Variants in WDHD1 observed in about 807,000 individuals in gnomAD.
WDHD1 encodes the protein WD repeat and HMG-box DNA-binding protein 1.
In WDHD1, 111 loss-of-function variants were observed where a neutral mutation model predicts 135.4. The ratio of observed to expected loss-of-function variants is 0.82; its 90% CI spans 0.70 to 0.96. The LOEUF is 0.96. Ranked by LOEUF, WDHD1 falls within the 40% of genes least tolerant of loss-of-function variation. The probability of loss-of-function intolerance (pLI) is 0.00; values close to 1 mark genes in which losing one functional copy is unlikely to be tolerated. For synonymous variants in WDHD1, 434 were observed against 439.0 expected (o/e 0.99, Z 0.14); for missense variants, 1,351 against 1,336.3 (o/e 1.01, Z -0.17).
At chr14:55,014,044 G>C (rs2042220126) in intron 2 of WDHD1, among the ~76,000 whole-genome samples, 1 of 152,124 alleles carries the variant, frequency 6.6e-6, no homozygotes, top group South Asian at 2.1e-4. Context: ...TAAAAATAAA[G>C]TGCTAATTTC....
Position 54,984,862 on chromosome 14 carries a change from T to C in WDHD1, c.1769-2A>G. 3.1e-6 allele frequency: 5 copies of C among 1,608,324 alleles called. No individual in the cohort carries two copies. The highest frequency in any genetic ancestry group is 4.2e-6 in the Non-Finnish European group (5 of 1,178,460). Reference sequence around the variant, plus strand: ...ACTGATCCCCATCAAATCCTGTACCTAATGAGAAAATGTAAATATAAATCA... The same window carrying C: ...ACTGATCCCCATCAAATCCTGTACCCAATGAGAAAATGTAAATATAAATCA... On this transcript the variant is annotated splice_acceptor_variant, in intron 14 of 25. Transcript: ENST00000360586. LOFTEE classifies it high-confidence loss of function.
chr14:54,957,699 A>G, intron 21 of WDHD1, 64 bp from the exon 22 acceptor site: 2 of 1,296,414 alleles, frequency 1.5e-6, no homozygotes, highest in South Asian at 2.7e-5. Flanking sequence ...GACATCTATA[A>G]TACTAGACAG....
intron 11 of WDHD1, among the ~76,000 whole-genome samples, chr14:54,994,958 G>A (rs1224168704): frequency 2.6e-5 from 4 of 151,954 alleles, no homozygotes; most frequent in Non-Finnish European, 5.9e-5. Context: ...GATCAACCAC[G>A]ATAGATATTT....
chr14:54,957,627 T>C lies in WDHD1; in HGVS notation c.2710A>G (p.Thr904Ala), dbSNP rs1384238965. Residue 904 changes from threonine to alanine, a missense_variant, in exon 22 of 26, where the codon ACC becomes GCC. Thr to Ala is a moderately conservative substitution (Grantham distance 58). Transcript: ENST00000360586. ...TTTACTCGTCCTTGGCTGCTAAAGG[T>C]AACTGCACCTTTCACAAAAAAGAAA... ...SDVSAKSGAV[T>A]FSSQGRVNPF... is the part of the protein sequence containing the mutation. The C allele has an allele frequency of 6.2e-7, 1 of 1,606,822 alleles. No homozygotes were observed. Among genetic ancestry groups the C allele is most frequent in the Non-Finnish European group, 8.5e-7 (1 of 1,178,184 alleles).
At chr14:54,962,903 A>G (rs775209858) in intron 19 of WDHD1, 49 bp downstream of exon 19, 3 of 1,611,566 alleles carry the variant, frequency 1.9e-6, no homozygotes, top group Non-Finnish European at 2.5e-6. Flanking sequence ...AGACCAACTT[A>G]ACATTCAAGA....
At chr14:54,948,951 G>A (rs1201849074) in intron 24 of WDHD1, among the ~76,000 whole-genome samples, 1 of 152,172 alleles carries the variant, frequency 6.6e-6, no homozygotes, top group African/African-American at 2.4e-5. Flanking sequence ...CTGACTGTTA[G>A]AAGGAAAACT....
intron 21 of WDHD1, among the ~76,000 whole-genome samples, chr14:54,961,217 G>A (rs1176081180): frequency 1.3e-5 from 2 of 152,080 alleles, no homozygotes; most frequent in African/African-American, 2.4e-5. Context: ...CTGACCGGGT[G>A]TGGTGGCTCA....
chr14:55,026,729 C>G lies in WDHD1; in HGVS notation c.59G>C (p.Cys20Ser). Residue 20 changes from cysteine (C) to serine (S), a missense_variant, in exon 2 of 26, where the codon TGT becomes TCT. This residue lies in a region of WDHD1 where 21 missense variants were observed against 40.2 expected (regional missense o/e 0.52). Coordinates refer to ENST00000360586, the MANE Select transcript of WDHD1 (RefSeq NM_007086.4). ...YGHTEGHTEV[C>S]FDDSGSFIVT... ...ACCTTACCTCCCAGAATCATCAAAACAGACCTCCGTGTGTCCCTCTGTATG... is the reference window on the plus strand; with the variant it reads ...ACCTTACCTCCCAGAATCATCAAAAGAGACCTCCGTGTGTCCCTCTGTATG... 1 of 1,614,218 alleles carries G rather than the reference C, an allele frequency of 6.2e-7. No homozygotes were observed. The highest frequency in any genetic ancestry group is 2.2e-5 in the East Asian group (1 of 44,892).
At chr14:54,949,955 TCAC>T (rs1436970439) in intron 24 of WDHD1, among the ~76,000 whole-genome samples, 3 of 152,258 alleles carry the variant, frequency 2.0e-5, no homozygotes, top group East Asian at 1.9e-4. Context: ...AGAGATTTTG[TCAC>T]CACCACGCCT....
Position 55,010,452 on chromosome 14 carries a change from T to A in WDHD1, c.198A>T (p.Lys66Asn), listed in dbSNP as rs758832389. 1 of 1,568,906 alleles carries A rather than the reference T, an allele frequency of 6.4e-7. No homozygotes were observed. Among genetic ancestry groups the A allele is most frequent in the African/African-American group, 1.4e-5 (1 of 72,622 alleles). ...KAYSCALKSG[K>N]LVTAVSNNTI... ...TATTATTAGAAACTGCAGTGACCAG[T>A]TTTCCACTCTAAAAGAAAAATTAAG... Residue 66 changes from lysine to asparagine, a missense_variant, in exon 4 of 26, where the codon AAA becomes AAT. Lys to Asn is a moderately conservative substitution (Grantham distance 94, BLOSUM62 0). Around this residue, in one of 2 missense-constraint regions of WDHD1, gnomAD observed 1,330 missense variants for 1,296.1 expected, o/e 1.03. Transcript: ENST00000360586.
rs944090037 is a variant in WDHD1 at position 55,006,929 on chromosome 14, T to A, written c.600+351A>T. On this transcript the variant is annotated intron_variant, in intron 7 of 25. Transcript: ENST00000360586. Reference sequence around the variant, plus strand: ...TGAAAAGGACTGAATAAAACAAAGGTTAAAAATAAGAATCATGCCAGGCAC... The same window carrying A: ...TGAAAAGGACTGAATAAAACAAAGGATAAAAATAAGAATCATGCCAGGCAC... 2.6e-5 allele frequency among the ~76,000 whole-genome samples: 4 copies of A among 151,400 alleles called. No individual in the cohort carries two copies. In the East Asian group the frequency reaches 7.7e-4, roughly 29 times the overall value.
chr14:55,024,587 T>A (rs1285779196), intron 2 of WDHD1, among the ~76,000 whole-genome samples: 2 of 152,114 alleles, frequency 1.3e-5, no homozygotes, highest in East Asian at 3.9e-4. Flanking sequence ...TGTTACTGTG[T>A]CTGTGTAGAA....
At position 55,013,950 on chromosome 14, in the gene WDHD1, T is replaced by C. The variant is rs2042218716; in HGVS notation, c.78-354A>G. Reference sequence around the variant, plus strand: ...CCTAGTTTCATATACATTAGTTTTTTGGAATGCTACTTCTATATTTACCAC... The same window carrying C: ...CCTAGTTTCATATACATTAGTTTTTCGGAATGCTACTTCTATATTTACCAC... On this transcript the variant is annotated intron_variant, in intron 2 of 25. Coordinates refer to ENST00000360586, the MANE Select transcript of WDHD1 (RefSeq NM_007086.4). Among the ~76,000 whole-genome samples, 4 of 152,194 alleles carry C rather than the reference T, an allele frequency of 2.6e-5. No individual in the cohort carries two copies. The South Asian group carries it at 8.3e-4, about 32-fold the overall frequency.
At chr14:54,999,014 G>A (rs1595107997) in intron 10 of WDHD1, among the ~76,000 whole-genome samples, 1 of 152,114 alleles carries the variant, frequency 6.6e-6, no homozygotes, top group Non-Finnish European at 1.5e-5. Flanking sequence ...TATGATCACT[G>A]TTCCTTTCTT....
chr14:54,951,455 T>G (rs1367135237), intron 24 of WDHD1, among the ~76,000 whole-genome samples: 3 of 152,058 alleles, frequency 2.0e-5, no homozygotes, highest in African/African-American at 4.8e-5. Context: ...GAGGAAGAAG[T>G]TCAATCTCTG....
chr14:54,951,353 A>C (rs1291122337), intron 24 of WDHD1, among the ~76,000 whole-genome samples: 2 of 152,050 alleles, frequency 1.3e-5, no homozygotes, highest in Non-Finnish European at 2.9e-5. Flanking sequence ...ACTACCATCA[A>C]AGAATACTAT....
At chr14:55,005,543 A>G in intron 7 of WDHD1, 1 of 586,980 alleles carries the variant, frequency 1.7e-6, no homozygotes, top group Admixed American at 1.9e-5. Flanking sequence ...CTTCAGATTT[A>G]TGATGTAGAT....
In WDHD1 at chr14:54,939,145, CA is replaced by C. The variant is rs1386858780; in HGVS notation, c.*2344del. On this transcript the variant is annotated 3_prime_UTR_variant, in exon 26 of 26. Coordinates refer to ENST00000360586, the MANE Select transcript of WDHD1 (RefSeq NM_007086.4). ...AAATTTTCTGTAGGTTTGAGAGATT[CA>C]AGATGAAAACTTGGGGGAAAATTAT... is the stretch of plus-strand genomic sequence containing the variant. 1 of 152,012 alleles carries C rather than the reference CA, an allele frequency of 6.6e-6. No homozygotes were observed. Among genetic ancestry groups the C allele is most frequent in the Non-Finnish European group, 1.5e-5 (1 of 68,004 alleles). The allele number at this position is 152,012 out of a possible 1,614,324, so 9.4% of individuals were successfully genotyped here.
intron 7 of WDHD1, chr14:55,004,814 T>C (rs2042037139): frequency 2.1e-6 from 1 of 478,560 alleles, no homozygotes; most frequent in Non-Finnish European, 4.1e-6. Context: ...AAGAACAGCT[T>C]AAGATCACTC....
Sources: allele counts gnomAD v4.1 joint callset (sites outside exome capture counted in the v4.1 genomes callset), GRCh38; gene constraint gnomAD v4.1.1; regional missense constraint gnomAD v4.1.1; transcripts MANE v1.5; gene names NCBI Gene and HGNC (gene_info 2026-07-23, HGNC 2026-07-21).